The following C9orf85 variants were observed in gnomAD, a reference collection of about 807,000 sequenced individuals.
The protein encoded by C9orf85 is uncharacterized protein C9orf85.
A neutral mutation model predicts 14.9 loss-of-function variants in C9orf85; 16 were observed. The ratio of observed to expected loss-of-function variants is 1.08; its 90% confidence interval spans 0.73 to 1.63. The LOEUF (loss-of-function observed/expected upper bound fraction) is 1.63, where lower values mean the gene tolerates loss of function less well. C9orf85 is among the 40% of genes most tolerant of loss of function. C9orf85 has a pLI of 0.00. For missense variants in C9orf85, 172 were observed against 186.1 expected, an observed-to-expected ratio of 0.92 and a Z score of 0.44; for synonymous variants, 45 against 56.8, an observed-to-expected ratio of 0.79 and a Z score of 0.93.
At chr9:71,937,959 CT>C (rs1488545642) in intron 1 of C9orf85, among the ~76,000 whole-genome samples, 1 of 152,018 alleles carries the variant, frequency 6.6e-6, no homozygotes, top group African/African-American at 2.4e-5. Context: ...CTAGTAATAA[CT>C]TTGATTTTAT....
intron 2 of C9orf85, among the ~76,000 whole-genome samples, chr9:71,955,152 A>C (rs1266519846): frequency 6.6e-6 from 1 of 152,166 alleles, no homozygotes; most frequent in Non-Finnish European, 1.5e-5. Flanking sequence ...GGTTAAATTC[A>C]TGATAGTTTC....
At chr9:71,976,638 G>GTC (rs1823003713), downstream of C9orf85, among the ~76,000 whole-genome samples, 1 of 150,520 alleles carries the variant, frequency 6.6e-6, no homozygotes, top group Non-Finnish European at 1.5e-5. Context: ...CTCCAGCCTG[G>GTC]GACACAGAGC....
downstream of C9orf85, among the ~76,000 whole-genome samples, chr9:71,976,952 A>G (rs17570100): frequency 0.11 from 17,352 of 152,092 alleles, 1,122 homozygotes; most frequent in Middle Eastern, 0.15. Context: ...CCTCACTGAC[A>G]AGAAGAAAGC....
chr9:71,941,138 G>T (rs1486656831), intron 1 of C9orf85, among the ~76,000 whole-genome samples: 1 of 152,180 alleles, frequency 6.6e-6, no homozygotes, highest in Non-Finnish European at 1.5e-5. Flanking sequence ...GATTTAAGCT[G>T]ACGATCTTTT....
chr9:71,982,887 A>T (rs1017069785), exon 4 of C9orf85: 1 of 249,890 alleles, frequency 4.0e-6, no homozygotes, highest in Non-Finnish European at 7.8e-6. Flanking sequence ...GCCTGCCTCA[A>T]CCTCCCAAAG....
At chr9:71,964,159 C>CAG (rs1379538832) in intron 2 of C9orf85, among the ~76,000 whole-genome samples, 32 of 152,126 alleles carry the variant, frequency 2.1e-4, no homozygotes, top group South Asian at 1.7e-3. Flanking sequence ...TATAGACACT[C>CAG]TGTATCTAGC....
intron 2 of C9orf85, among the ~76,000 whole-genome samples, chr9:71,970,703 T>A (rs1589273765): frequency 6.6e-6 from 1 of 152,300 alleles, no homozygotes. Context: ...AATTTCTGTA[T>A]GAACTTTAGG....
At chr9:71,966,576 A>T (rs1886257) in intron 2 of C9orf85, among the ~76,000 whole-genome samples, 1 of 152,154 alleles carries the variant, frequency 6.6e-6, no homozygotes, top group African/African-American at 2.4e-5. Context: ...AGGGAAAAGG[A>T]TGTACAAATT....
intron 1 of C9orf85, among the ~76,000 whole-genome samples, chr9:71,934,780 G>A (rs1399163445): frequency 6.6e-6 from 1 of 152,092 alleles, no homozygotes; most frequent in Non-Finnish European, 1.5e-5. Context: ...TGAGGTAGGA[G>A]GATTGCTTGA....
chr9:71,985,124 G>A (rs1285371550), downstream of C9orf85: 1 of 152,168 alleles, frequency 6.6e-6, no homozygotes. Context: ...TTGCAAATAC[G>A]TTTATGGAAA....
intron 1 of C9orf85, among the ~76,000 whole-genome samples, chr9:71,937,316 T>G (rs1010569967): frequency 6.6e-6 from 1 of 152,216 alleles, no homozygotes; most frequent in Non-Finnish European, 1.5e-5. Context: ...AGTGAAAATC[T>G]CGGTAGTTTG....
intron 1 of C9orf85, among the ~76,000 whole-genome samples, chr9:71,931,215 C>T (rs1330883108): frequency 1.3e-5 from 2 of 152,262 alleles, no homozygotes; most frequent in Middle Eastern, 3.4e-3. Context: ...CCTTTTGATA[C>T]GTGATTTTGG....
At chr9:71,944,087 T>C (rs866050438) in intron 1 of C9orf85, among the ~76,000 whole-genome samples, 8 of 151,478 alleles carry the variant, frequency 5.3e-5, no homozygotes, top group Middle Eastern at 3.4e-3. Flanking sequence ...ATACAAAAAT[T>C]AGCTGGCATG....
chr9:71,918,878 A>G (rs961672532), intron 1 of C9orf85, among the ~76,000 whole-genome samples: 13 of 152,182 alleles, frequency 8.5e-5, no homozygotes, highest in Non-Finnish European at 1.9e-4. Flanking sequence ...AATAAAGTGT[A>G]CAATAAATGT....
downstream of C9orf85, chr9:71,985,543 T>A (rs539409171): frequency 6.6e-6 from 1 of 152,274 alleles, no homozygotes; most frequent in South Asian, 2.1e-4. Flanking sequence ...AACGCGATTC[T>A]GATTATTTGA....
intron 2 of C9orf85, among the ~76,000 whole-genome samples, chr9:71,961,187 A>C (rs1822511321): frequency 6.6e-6 from 1 of 151,740 alleles, no homozygotes; most frequent in South Asian, 2.1e-4. Context: ...GCTGGGATTT[A>C]CAGGTGTAAG....
chr9:71,966,379 A>T (rs1166317513), intron 2 of C9orf85, among the ~76,000 whole-genome samples: 1 of 152,192 alleles, frequency 6.6e-6, no homozygotes, highest in East Asian at 1.9e-4. Context: ...CATCATTTTG[A>T]CATTTCTGAA....
At chr9:71,943,831 G>T (rs1437127940) in intron 1 of C9orf85, among the ~76,000 whole-genome samples, 1 of 150,908 alleles carries the variant, frequency 6.6e-6, no homozygotes, top group Non-Finnish European at 1.5e-5. Context: ...GTGAGCCACC[G>T]CACCCGGCCC....
At chr9:71,930,862 A>T (rs1160686093) in intron 1 of C9orf85, among the ~76,000 whole-genome samples, 1 of 151,880 alleles carries the variant, frequency 6.6e-6, no homozygotes, top group Non-Finnish European at 1.5e-5. Flanking sequence ...CTGATCTAGA[A>T]ATTACCCACA....
Sources: gnomAD v4.1 joint callset for allele counts (sites outside exome capture counted in the v4.1 genomes callset) on GRCh38, gnomAD v4.1.1 for gene constraint, MANE v1.5 for transcripts, NCBI Gene and HGNC (gene_info 2026-07-23, HGNC 2026-07-21) for gene names.